NXNL2: variants seen among roughly 807,000 people sequenced by gnomAD.
NXNL2 encodes the protein nucleoredoxin-like protein 2.
In NXNL2, 7 loss-of-function variants were observed where a neutral mutation model predicts 11.1. The ratio of observed to expected loss-of-function variants is 0.63; its 90% CI spans 0.36 to 1.18. The LOEUF (loss-of-function observed/expected upper bound fraction) is 1.18, where lower values mean the gene tolerates loss of function less well. Among genes scored for constraint, NXNL2 ranks in the 50% most tolerant of loss-of-function variants. The pLI is 0.02. For missense variants in NXNL2, 233 were observed against 217.7 expected (o/e 1.07, Z -0.44); for synonymous variants, 109 against 101.8 (o/e 1.07, Z -0.42).
chr9:88,563,697 C>T (rs1468446790), intron 1 of NXNL2, among the ~76,000 whole-genome samples: 1 of 152,198 alleles, frequency 6.6e-6, no homozygotes, highest in Non-Finnish European at 1.5e-5. Context: ...TCCCCTATTT[C>T]TCTGCACCTC....
intron 1 of NXNL2, among the ~76,000 whole-genome samples, chr9:88,552,776 C>T (rs1829957801): frequency 6.6e-6 from 1 of 152,166 alleles, no homozygotes. Context: ...GTGAAACATG[C>T]ATTCTTAACC....
intron 1 of NXNL2, among the ~76,000 whole-genome samples, chr9:88,542,058 G>T (rs902000869): frequency 6.6e-6 from 1 of 151,388 alleles, no homozygotes; most frequent in East Asian, 2.0e-4. Context: ...GTGAAACCCC[G>T]TCTCTACTAA....
intron 1 of NXNL2, among the ~76,000 whole-genome samples, chr9:88,552,473 G>GGTTTTTTTTTTTTTTTTTTTTTTTTTTT (rs796387920): frequency 7.6e-6 from 1 of 131,566 alleles, no homozygotes; most frequent in African/African-American, 2.8e-5. Context: ...AAACATGCAT[G>GGTTTTTTTTTTTTTTTTTTTTTTTTTTT]TTTTTTTTTT....
downstream of NXNL2, among the ~76,000 whole-genome samples, chr9:88,548,955 C>T (rs770824164): frequency 5.9e-5 from 9 of 152,114 alleles, no homozygotes; most frequent in Admixed American, 6.5e-5. Flanking sequence ...GAGCAGATGC[C>T]ATCTGTGAAC....
At chr9:88,579,915 G>A (rs1243825076), downstream of NXNL2, among the ~76,000 whole-genome samples, 2 of 151,972 alleles carry the variant, frequency 1.3e-5, no homozygotes, top group Non-Finnish European at 2.9e-5. Context: ...TGGATCACGA[G>A]GTCAGGAGAT....
In NXNL2 at chr9:88,544,433, A is replaced by G. The variant is rs1829819156; in HGVS notation, c.357A>G (p.Lys119=). Residue 119 remains lysine (K), a synonymous_variant, in exon 2 of 2, where the codon AAA becomes AAG. Transcript: ENST00000375854. ...VTAIPKLVIV[K]QNGEVITNKG... ...CCATCCCCAAGCTTGTGATTGTGAA[A>G]CAAAATGGGGAGGTCATCACCAACA... is the stretch of plus-strand genomic sequence containing the variant. 1 of 1,551,784 alleles carries G rather than the reference A, an allele frequency of 6.4e-7. No individual in the cohort carries two copies. The highest frequency in any genetic ancestry group is 2.0e-5 in the Admixed American group (1 of 50,990).
chr9:88,552,276 C>G (rs1288833273), intron 1 of NXNL2, among the ~76,000 whole-genome samples: 7 of 151,988 alleles, frequency 4.6e-5, no homozygotes, highest in Non-Finnish European at 1.0e-4. Context: ...AAAAACAAAT[C>G]CCTTTGCTGT....
chr9:88,556,283 G>A (rs756765366), intron 1 of NXNL2, among the ~76,000 whole-genome samples: 1 of 152,176 alleles, frequency 6.6e-6, no homozygotes, highest in Non-Finnish European at 1.5e-5. Flanking sequence ...ATGGCAGAGG[G>A]CAGGAGGGCT....
At chr9:88,573,806 A>T (rs985860404) in intron 2 of NXNL2, among the ~76,000 whole-genome samples, 9 of 152,230 alleles carry the variant, frequency 5.9e-5, no homozygotes, top group Non-Finnish European at 1.3e-4. Flanking sequence ...CCACAATTTT[A>T]AAAAAGATCT....
intron 1 of NXNL2, among the ~76,000 whole-genome samples, chr9:88,582,640 CT>C (rs1209745869): frequency 2.7e-5 from 4 of 150,006 alleles, no homozygotes; most frequent in Non-Finnish European, 5.9e-5. Flanking sequence ...CCCTCCTCCC[CT>C]CCCTCCCTCC....
At chr9:88,540,253 A>G (rs940308381) in intron 1 of NXNL2, among the ~76,000 whole-genome samples, 4 of 151,830 alleles carry the variant, frequency 2.6e-5, no homozygotes, top group South Asian at 2.1e-4. Context: ...AATGGCGTGA[A>G]CCTGGGAGGC....
Position 88,535,376 on chromosome 9 carries a change from C to G in NXNL2, c.-59C>G. On this transcript the variant is annotated 5_prime_UTR_variant, in exon 1 of 2. Coordinates refer to ENST00000375854, the MANE Select transcript of NXNL2 (RefSeq NM_001161625.2). ...ACCGCGGCGCTCGCCGCCGCCTCCCCGCAGGTGATCATCCTCCTGCAGGTG... is the reference window on the plus strand; with the variant it reads ...ACCGCGGCGCTCGCCGCCGCCTCCCGGCAGGTGATCATCCTCCTGCAGGTG... 1 of 1,460,594 alleles carries G rather than the reference C, an allele frequency of 6.8e-7. No homozygotes were observed. The highest frequency in any genetic ancestry group is 9.1e-7 in the Non-Finnish European group (1 of 1,104,736). 90.5% of individuals were successfully genotyped at this position (1,460,594 alleles called of 1,614,324 possible).
Position 88,535,407 on chromosome 9 carries a change from G to C in NXNL2, c.-28G>C, listed in dbSNP as rs748840756. 1 of 1,556,236 alleles carries C rather than the reference G, an allele frequency of 6.4e-7. No homozygotes were observed. The highest frequency in any genetic ancestry group is 8.6e-7 in the Non-Finnish European group (1 of 1,156,996). On this transcript the variant is annotated 5_prime_UTR_variant, in exon 1 of 2. Transcript: ENST00000375854. ...TGATCATCCTCCTGCAGGTGTCCTC[G>C]GGTCTCAGGTGGCTGCGTGTCTGCG...
chr9:88,566,290 T>C (rs1336548930), intron 1 of NXNL2, among the ~76,000 whole-genome samples: 2 of 152,080 alleles, frequency 1.3e-5, no homozygotes, highest in South Asian at 2.1e-4. Flanking sequence ...ATTTCCCTTA[T>C]GTTTTCTTTT....
At chr9:88,581,354 C>T (rs1301309196) in intron 1 of NXNL2, among the ~76,000 whole-genome samples, 1 of 152,166 alleles carries the variant, frequency 6.6e-6, no homozygotes, top group South Asian at 2.1e-4. Context: ...CCCAGTGTGT[C>T]CAAAGACAAA....
At chr9:88,541,763 A>G (rs1015706575) in intron 1 of NXNL2, among the ~76,000 whole-genome samples, 1 of 152,192 alleles carries the variant, frequency 6.6e-6, no homozygotes, top group African/African-American at 2.4e-5. Context: ...AGTCATCTAT[A>G]TACTAAAGTT....
At chr9:88,571,694 G>C (rs994786167) in intron 2 of NXNL2, among the ~76,000 whole-genome samples, 1 of 152,126 alleles carries the variant, frequency 6.6e-6, no homozygotes, top group African/African-American at 2.4e-5. Flanking sequence ...GTGTCAGTAG[G>C]TTTAGTCCAG....
downstream of NXNL2, among the ~76,000 whole-genome samples, chr9:88,548,682 C>CAAAAA (rs34096783): frequency 7.6e-5 from 6 of 78,880 alleles, no homozygotes; most frequent in African/African-American, 1.9e-4. Flanking sequence ...GACTCTGTCT[C>CAAAAA]AAAAAAAAAA....
In NXNL2 at chr9:88,535,322, G is replaced by C; in HGVS notation, c.-113G>C. 1 of 1,122,494 alleles carries C rather than the reference G, an allele frequency of 8.9e-7. No homozygotes were observed. Among genetic ancestry groups the C allele is most frequent in the Admixed American group, 2.9e-5 (1 of 34,710 alleles). The allele number at this position is 1,122,494 out of a possible 1,614,324, so 69.5% of individuals were successfully genotyped here. On this transcript the variant is annotated 5_prime_UTR_variant, in exon 1 of 2. Coordinates refer to ENST00000375854, the MANE Select transcript of NXNL2 (RefSeq NM_001161625.2). Reference sequence around the variant, plus strand: ...TCTGGGGCAGGTCTTGAGAGGTCCAGCGCCCGGTGGTGCGGACAGAGGCGG... The same window carrying C: ...TCTGGGGCAGGTCTTGAGAGGTCCACCGCCCGGTGGTGCGGACAGAGGCGG...
Sources: allele counts gnomAD v4.1 joint callset (sites outside exome capture counted in the v4.1 genomes callset), GRCh38; gene constraint gnomAD v4.1.1; transcripts MANE v1.5; gene names NCBI Gene and HGNC (gene_info 2026-07-23, HGNC 2026-07-21).